The following CNIH3 variants were observed in gnomAD, a reference collection of about 807,000 sequenced individuals.
CNIH3 encodes cornichon family AMPA receptor auxiliary protein 3.
Under a neutral mutation model 24.1 loss-of-function variants are expected in CNIH3, and 14 were observed. That is an observed-to-expected ratio of 0.58 (90% CI 0.38 to 0.91). The LOEUF is 0.91. CNIH3 is among the 40% of genes least tolerant of loss of function. The probability of loss-of-function intolerance (pLI) is 0.00; values close to 1 mark genes in which losing one functional copy is unlikely to be tolerated. For missense variants in CNIH3, 178 were observed against 196.8 expected, an observed-to-expected ratio of 0.90 and a Z score of 0.57; for synonymous variants, 68 against 73.8, an observed-to-expected ratio of 0.92 and a Z score of 0.40.
intron 2 of CNIH3, among the ~76,000 whole-genome samples, chr1:224,532,594 C>T (rs764274654): frequency 2.0e-5 from 3 of 152,162 alleles, no homozygotes; most frequent in African/African-American, 4.8e-5. Context: ...GCCCATAGGA[C>T]AACCAACAGG....
chr1:224,497,253 G>T (rs1677475230), intron 1 of CNIH3, among the ~76,000 whole-genome samples: 1 of 152,202 alleles, frequency 6.6e-6, no homozygotes, highest in African/African-American at 2.4e-5. Context: ...ATAGGTACAA[G>T]ATTTCTTCCT....
chr1:224,641,728 A>G (rs1684370879), intron 1 of CNIH3, among the ~76,000 whole-genome samples: 1 of 152,192 alleles, frequency 6.6e-6, no homozygotes, highest in South Asian at 2.1e-4. Context: ...CTCTCAGAGG[A>G]TGCGGCCTCT....
At chr1:224,648,882 C>A (rs1457734084) in intron 1 of CNIH3, among the ~76,000 whole-genome samples, 2 of 152,184 alleles carry the variant, frequency 1.3e-5, no homozygotes, top group Non-Finnish European at 2.9e-5. Flanking sequence ...ACTACCACTA[C>A]AAAATCCCCC....
intron 3 of CNIH3, among the ~76,000 whole-genome samples, chr1:224,557,488 CAG>C (rs1680185523): frequency 1.3e-5 from 2 of 152,086 alleles, no homozygotes; most frequent in South Asian, 2.1e-4. Context: ...TTATTTTAGA[CAG>C]AGTCTCGCTC....
intron 1 of CNIH3, among the ~76,000 whole-genome samples, chr1:224,637,155 A>G (rs938669492): frequency 1.3e-5 from 2 of 151,954 alleles, no homozygotes; most frequent in African/African-American, 4.8e-5. Context: ...GGGTTTCACT[A>G]TGTTGGCCAG....
chr1:224,573,364 C>CA (rs1432644549), intron 4 of CNIH3, among the ~76,000 whole-genome samples: 3 of 151,980 alleles, frequency 2.0e-5, no homozygotes, highest in African/African-American at 7.3e-5. Context: ...AAGGTACAGC[C>CA]TTTTTTTGGA....
intron 4 of CNIH3, among the ~76,000 whole-genome samples, chr1:224,572,308 G>A (rs1210200509): frequency 6.6e-6 from 1 of 152,104 alleles, no homozygotes; most frequent in African/African-American, 2.4e-5. Flanking sequence ...CTGAGGTCAG[G>A]AGTTTGAGAC....
intron 3 of CNIH3, among the ~76,000 whole-genome samples, chr1:224,721,731 C>A (rs1020980977): frequency 2.0e-5 from 3 of 152,120 alleles, no homozygotes; most frequent in Non-Finnish European, 2.9e-5. Flanking sequence ...ATAAAGTGTC[C>A]ATTGAGACAC....
In CNIH3 at chr1:224,684,646, C is replaced by T; in HGVS notation, c.151-150C>T. Reference sequence around the variant, plus strand: ...AAGTCAGAAACTCTGTTAGAAAAAGCCACTGGGTGGGAGCATGCTGGCCAT... The same window carrying T: ...AAGTCAGAAACTCTGTTAGAAAAAGTCACTGGGTGGGAGCATGCTGGCCAT... On this transcript the variant is annotated intron_variant, in intron 2 of 5. Coordinates refer to ENST00000272133, the MANE Select transcript of CNIH3 (RefSeq NM_152495.2). This position sits in a 1 kb window ranked among gnomAD's most constrained non-coding sequence, Gnocchi z 4.2. 1 of 686,834 alleles carries T rather than the reference C, an allele frequency of 1.5e-6. No homozygotes were observed. The highest frequency in any genetic ancestry group is 2.7e-6 in the Non-Finnish European group (1 of 376,422). 42.5% of individuals were successfully genotyped at this position (686,834 alleles called of 1,614,324 possible).
downstream of CNIH3, among the ~76,000 whole-genome samples, chr1:224,592,149 G>A (rs911349766): frequency 6.6e-5 from 10 of 151,306 alleles, no homozygotes; most frequent in African/African-American, 2.2e-4. Flanking sequence ...GTGTGTGTAC[G>A]GTATGTGTGT....
chr1:224,484,914 C>G (rs1404249102), intron 1 of CNIH3, among the ~76,000 whole-genome samples: 1 of 152,100 alleles, frequency 6.6e-6, no homozygotes, highest in Non-Finnish European at 1.5e-5. Context: ...TTTTTTATGT[C>G]ATTGACTGTG....
intron 3 of CNIH3, among the ~76,000 whole-genome samples, chr1:224,727,278 A>AAAC (rs145451304): frequency 1.1e-4 from 17 of 152,172 alleles, no homozygotes; most frequent in South Asian, 2.1e-4. Context: ...TGCTATGGCA[A>AAAC]AACAACAACA....
At chr1:224,727,690 T>C (rs1689107789) in intron 3 of CNIH3, among the ~76,000 whole-genome samples, 1 of 152,162 alleles carries the variant, frequency 6.6e-6, no homozygotes, top group South Asian at 2.1e-4. Context: ...AAGAGGTTCC[T>C]TACCTCTTCC....
chr1:224,592,073 T>C (rs894894351), downstream of CNIH3, among the ~76,000 whole-genome samples: 6 of 152,166 alleles, frequency 3.9e-5, no homozygotes, highest in Admixed American at 1.3e-4. Flanking sequence ...ACTTTTTTTT[T>C]GTCCCAAGGT....
downstream of CNIH3, among the ~76,000 whole-genome samples, chr1:224,589,587 C>T (rs545016270): frequency 6.6e-4 from 101 of 152,300 alleles, 2 homozygotes; most frequent in South Asian, 0.021. Context: ...TGCTCTACAG[C>T]TTAATGTGAT....
chr1:224,634,180 C>T (rs949491904), intron 1 of CNIH3, among the ~76,000 whole-genome samples: 2 of 152,228 alleles, frequency 1.3e-5, no homozygotes, highest in South Asian at 2.1e-4. Flanking sequence ...GGCACGTGTT[C>T]GTCCTTCTGA....
At chr1:224,737,415 G>A (rs1425043105) in intron 5 of CNIH3, among the ~76,000 whole-genome samples, 1 of 152,200 alleles carries the variant, frequency 6.6e-6, no homozygotes, top group East Asian at 1.9e-4. Context: ...AGTTCCTGCA[G>A]CCTCACTGGG....
intron 2 of CNIH3, among the ~76,000 whole-genome samples, chr1:224,525,193 A>G (rs1405213879): frequency 6.6e-6 from 1 of 152,228 alleles, no homozygotes; most frequent in Admixed American, 6.5e-5. Flanking sequence ...GAAACTTTCA[A>G]CTGAGAATCT....
chr1:224,471,593 CTT>C (rs771939815), intron 1 of CNIH3, among the ~76,000 whole-genome samples: 18 of 142,178 alleles, frequency 1.3e-4, no homozygotes, highest in Admixed American at 1.4e-4. Flanking sequence ...CTCATTCTCT[CTT>C]TTTTTTTTTT....
Sources: allele counts gnomAD v4.1 joint callset (sites outside exome capture counted in the v4.1 genomes callset), GRCh38; gene constraint gnomAD v4.1.1; non-coding constraint Gnocchi (gnomAD v3.1); transcripts MANE v1.5; gene names NCBI Gene and HGNC (gene_info 2026-07-23, HGNC 2026-07-21).